The following FAM227B variants were observed in gnomAD, a reference collection of about 807,000 sequenced individuals.
FAM227B encodes the protein protein FAM227B.
In FAM227B, 88 loss-of-function variants were observed where a neutral mutation model predicts 73.8. That is an observed-to-expected ratio of 1.19 (90% CI 1.00 to 1.42). The LOEUF is 1.42. FAM227B is among the 40% of genes most tolerant of loss of function. FAM227B has a pLI of 0.00. For synonymous variants in FAM227B, 210 were observed against 190.5 expected, an observed-to-expected ratio of 1.10 and a Z score of -0.84; for missense variants, 632 against 590.9, an observed-to-expected ratio of 1.07 and a Z score of -0.72.
intron 11 of FAM227B, among the ~76,000 whole-genome samples, chr15:49,471,479 T>C (rs2151966609): frequency 8.2e-6 from 1 of 121,708 alleles, no homozygotes; most frequent in Middle Eastern, 4.4e-3. Flanking sequence ...TGAGACTCTA[T>C]CTCAAAATAA....
chr15:49,351,598 G>C (rs924724070), intron 13 of FAM227B, among the ~76,000 whole-genome samples: 1 of 152,202 alleles, frequency 6.6e-6, no homozygotes, highest in Admixed American at 6.5e-5. Flanking sequence ...CCCAAGTTGG[G>C]TTTTCCGGAA....
intron 10 of FAM227B, among the ~76,000 whole-genome samples, chr15:49,528,486 C>G (rs1164832594): frequency 1.3e-5 from 2 of 151,248 alleles, no homozygotes; most frequent in Non-Finnish European, 3.0e-5. Context: ...GTAATGGAAA[C>G]AAAACAGACC....
chr15:49,556,123 A>G (rs529606839), intron 9 of FAM227B, among the ~76,000 whole-genome samples: 31 of 152,326 alleles, frequency 2.0e-4, no homozygotes, highest in African/African-American at 6.5e-4. Context: ...GGGAACTAGT[A>G]CAGTTATTTG....
chr15:49,401,490 C>T (rs1362528728), intron 11 of FAM227B, among the ~76,000 whole-genome samples: 1 of 151,826 alleles, frequency 6.6e-6, no homozygotes, highest in East Asian at 1.9e-4. Flanking sequence ...ACCCAGCCAT[C>T]CCATTACTGG....
intron 9 of FAM227B, among the ~76,000 whole-genome samples, chr15:49,562,614 C>A (rs979005945): frequency 6.6e-6 from 1 of 151,990 alleles, no homozygotes; most frequent in African/African-American, 2.4e-5. Flanking sequence ...AAAATTCTAG[C>A]AAACAAAATC....
At chr15:49,449,366 A>T (rs956030002) in intron 11 of FAM227B, among the ~76,000 whole-genome samples, 26 of 152,180 alleles carry the variant, frequency 1.7e-4, no homozygotes, top group African/African-American at 6.3e-4. Context: ...TGATTTTAGT[A>T]TATAAAGACA....
chr15:49,572,049 T>C (rs996084160), intron 8 of FAM227B, among the ~76,000 whole-genome samples: 4 of 152,052 alleles, frequency 2.6e-5, no homozygotes, highest in Admixed American at 2.0e-4. Context: ...ATTTCTAGTA[T>C]ACAGATCTCT....
At chr15:49,500,695 A>ACGTGATAT (rs1446245007) in intron 11 of FAM227B, among the ~76,000 whole-genome samples, 1 of 152,238 alleles carries the variant, frequency 6.6e-6, no homozygotes, top group African/African-American at 2.4e-5. Flanking sequence ...TGTTATACAT[A>ACGTGATAT]CGTGATATAG....
At chr15:49,454,120 A>G (rs1309578811) in intron 11 of FAM227B, among the ~76,000 whole-genome samples, 1 of 152,210 alleles carries the variant, frequency 6.6e-6, no homozygotes, top group Non-Finnish European at 1.5e-5. Context: ...ATTAATGTAC[A>G]ACATAGATGG....
chr15:49,485,470 T>C (rs1357723554), intron 11 of FAM227B: 1 of 144,216 alleles, frequency 6.9e-6, no homozygotes, highest in Non-Finnish European at 1.6e-5. Flanking sequence ...TTTATGTTAT[T>C]TATAAAAAAA....
chr15:49,579,439 A>T (rs1437039225), intron 5 of FAM227B, among the ~76,000 whole-genome samples: 1 of 152,216 alleles, frequency 6.6e-6, no homozygotes, highest in African/African-American at 2.4e-5. Context: ...TGGTGTATAT[A>T]CACAATGGAA....
intron 3 of FAM227B, among the ~76,000 whole-genome samples, chr15:49,596,300 C>T (rs1292766637): frequency 2.6e-5 from 4 of 151,862 alleles, no homozygotes; most frequent in Admixed American, 6.6e-5. Flanking sequence ...GACTGGGGTC[C>T]TACCTTTAGC....
intron 11 of FAM227B, among the ~76,000 whole-genome samples, chr15:49,440,580 C>T (rs1459662277): frequency 6.6e-6 from 1 of 151,712 alleles, no homozygotes; most frequent in Non-Finnish European, 1.5e-5. Flanking sequence ...CAAATTAATG[C>T]ATTAATATTT....
chr15:49,452,980 C>T (rs931466990), intron 11 of FAM227B, among the ~76,000 whole-genome samples: 2 of 151,898 alleles, frequency 1.3e-5, no homozygotes, highest in African/African-American at 4.8e-5. Context: ...TCCATAGGGC[C>T]CAAATTCACA....
At chr15:49,531,415 G>C (rs1368830511) in intron 10 of FAM227B, among the ~76,000 whole-genome samples, 1 of 151,948 alleles carries the variant, frequency 6.6e-6, no homozygotes, top group Non-Finnish European at 1.5e-5. Flanking sequence ...TGTTTAAAGT[G>C]TAGGGAAATA....
At chr15:49,477,717 T>C (rs2055481148) in intron 11 of FAM227B, among the ~76,000 whole-genome samples, 1 of 152,214 alleles carries the variant, frequency 6.6e-6, no homozygotes, top group Non-Finnish European at 1.5e-5. Flanking sequence ...CTGGATTATA[T>C]AGTAAGAGTA....
At chr15:49,500,341 G>A (rs2058038134) in intron 11 of FAM227B, among the ~76,000 whole-genome samples, 1 of 152,244 alleles carries the variant, frequency 6.6e-6, no homozygotes, top group Non-Finnish European at 1.5e-5. Context: ...TAACCTGTGA[G>A]AGCAGCTGTG....
Position 49,589,932 on chromosome 15 carries a change from T to C in FAM227B, c.181A>G (p.Ser61Gly). Residue 61 changes from serine to glycine, a missense_variant, in exon 4 of 16, where the codon AGT becomes GGT. Ser to Gly is a moderately conservative substitution (Grantham distance 56). Coordinates refer to ENST00000299338, the MANE Select transcript of FAM227B (RefSeq NM_152647.3). The stretch of plus-strand genomic sequence containing the variant: ...TGTGTATAAATTGAAACAAATGAAC[T>C]ATCTTCTTTTATTTTTTTCAGAGTG... Reference protein sequence around the residue: ...SCTLKKIKEDSSFVSIYTHLW... With the variant: ...SCTLKKIKEDGSFVSIYTHLW... 1 of 1,602,130 alleles carries C rather than the reference T, an allele frequency of 6.2e-7. No individual in the cohort carries two copies. Among genetic ancestry groups the C allele is most frequent in the Non-Finnish European group, 8.6e-7 (1 of 1,169,198 alleles).
At chr15:49,467,828 T>A (rs768829787) in intron 11 of FAM227B, among the ~76,000 whole-genome samples, 1 of 152,120 alleles carries the variant, frequency 6.6e-6, no homozygotes, top group Non-Finnish European at 1.5e-5. Flanking sequence ...GGTGGGTCCC[T>A]TGCATTCCTG....
Sources: allele counts gnomAD v4.1 joint callset (sites outside exome capture counted in the v4.1 genomes callset), GRCh38; gene constraint gnomAD v4.1.1; transcripts MANE v1.5; gene names NCBI Gene and HGNC (gene_info 2026-07-23, HGNC 2026-07-21).